CUBN: variants seen among roughly 807,000 people sequenced by gnomAD.
CUBN encodes cubilin, also known as 460 kDa receptor.
CUBN carries 282 observed loss-of-function variants against 405.3 expected under a neutral mutation model. The observed-to-expected ratio is 0.70, with a 90% CI of 0.63 to 0.77. The LOEUF (loss-of-function observed/expected upper bound fraction) is 0.77, where lower values mean the gene tolerates loss of function less well. Among genes scored for constraint, CUBN ranks in the 30% least tolerant of loss-of-function variants. The pLI, the probability that CUBN is intolerant of heterozygous loss-of-function variation, is 0.00. For synonymous variants in CUBN, 1,684 were observed against 1,617.0 expected, an observed-to-expected ratio of 1.04 and a Z score of -0.99; for missense variants, 4,514 against 4,475.2, an observed-to-expected ratio of 1.01 and a Z score of -0.25.
chr10:17,127,760 A>C (rs1284660099), intron 3 of CUBN, 69 bp downstream of exon 3: 2 of 1,162,564 alleles, frequency 1.7e-6, no homozygotes, highest in Middle Eastern at 3.9e-4. Flanking sequence ...TATCCCCTAC[A>C]AAACGGTTAC....
intron 28 of CUBN, among the ~76,000 whole-genome samples, chr10:17,015,268 T>C (rs552682532): frequency 6.6e-6 from 1 of 152,338 alleles, no homozygotes; most frequent in East Asian, 1.9e-4. Flanking sequence ...TTCCAAATTG[T>C]CCTTCCAGTG....
intron 59 of CUBN, among the ~76,000 whole-genome samples, chr10:16,854,900 T>A (rs999228532): frequency 6.6e-6 from 1 of 151,646 alleles, no homozygotes; most frequent in Admixed American, 6.6e-5. Context: ...GGCTGATCCA[T>A]CCTCCCTCCT....
Position 17,065,531 on chromosome 10 carries a change from T to C in CUBN, c.3116A>G (p.Tyr1039Cys), listed in dbSNP as rs150014503. ...ACCTGTTGCTGCACTGATTGCTTCA[T>C]AGTTTATTAAGAAGCCTTCATAAGC... ...DLAYEGFLIN[Y>C]EAISAATACL... Residue 1039 changes from tyrosine (Y) to cysteine (C), a missense_variant, in exon 22 of 67, where the codon TAT (tyrosine) becomes TGT (cysteine). Physicochemically the swap from Tyr to Cys is radical, Grantham distance 194. Coordinates refer to ENST00000377833, the MANE Select transcript of CUBN (RefSeq NM_001081.4). 6.5e-5 allele frequency: 105 copies of C among 1,613,394 alleles called. No individual in the cohort carries two copies. In the African/African-American group the frequency reaches 1.2e-3, roughly 19 times the overall value.
intron 17 of CUBN, among the ~76,000 whole-genome samples, chr10:17,081,259 A>G (rs1025857826): frequency 6.6e-6 from 1 of 152,188 alleles, no homozygotes; most frequent in Non-Finnish European, 1.5e-5. Context: ...CAAGGCACCT[A>G]AAACCACACA....
intron 43 of CUBN, among the ~76,000 whole-genome samples, chr10:16,924,860 G>A (rs893745851): frequency 1.3e-5 from 2 of 151,920 alleles, no homozygotes; most frequent in African/African-American, 4.8e-5. Flanking sequence ...ACAAAATAAG[G>A]CAAATGTAAG....
intron 28 of CUBN, among the ~76,000 whole-genome samples, chr10:16,992,215 G>A (rs905312977): frequency 3.9e-5 from 6 of 152,032 alleles, no homozygotes; most frequent in African/African-American, 1.4e-4. Flanking sequence ...CACAGGGTGG[G>A]GAACATCACA....
chr10:17,087,466 CTTTTTCTTTTTTTTT>C lies in CUBN; in HGVS notation c.1947+683_1947+697del, dbSNP rs1453621528. Among the ~76,000 whole-genome samples the C allele has an allele frequency of 5.0e-5, 4 of 79,772 alleles. 1 individual carries two copies. The highest frequency in any genetic ancestry group is 1.7e-4 in the African/African-American group (3 of 17,768). The allele number at this position is 79,772 out of a possible 152,430, so 52.3% of individuals were successfully genotyped here. ...GTTCAACACAATCACTATTATTTTT[CTTTTTCTTTTTTTTT>C]TTTTTTTTTTTTTAGACAGAGCCTC... On this transcript the variant is annotated intron_variant, in intron 15 of 66. Transcript: ENST00000377833.
intron 31 of CUBN, among the ~76,000 whole-genome samples, chr10:16,960,841 G>A (rs1428777572): frequency 6.6e-6 from 1 of 152,114 alleles, no homozygotes; most frequent in Admixed American, 6.5e-5. Flanking sequence ...GAATGAAGGG[G>A]CCCAACCACA....
rs189999944 is a variant in CUBN at position 16,844,035 on chromosome 10, C to G, written c.9664-2988G>C. ...CTGTAATCCCAGCACTTTGGGAGGC[C>G]GAGGCAGGCGGATCGCCTGAGGTCA... On this transcript the variant is annotated intron_variant, in intron 60 of 66. Coordinates refer to ENST00000377833, the MANE Select transcript of CUBN (RefSeq NM_001081.4). Among the ~76,000 whole-genome samples, 5 of 151,998 alleles carry G rather than the reference C, an allele frequency of 3.3e-5. No homozygotes were observed. In the East Asian group the frequency reaches 9.7e-4, roughly 29 times the overall value.
In CUBN at chr10:16,847,050, A is replaced by G. The variant is rs146800202; in HGVS notation, c.9663+4185T>C. Among the ~76,000 whole-genome samples the G allele has an allele frequency of 4.5e-4, 68 of 152,238 alleles. 1 individual carries two copies. The East Asian group carries it at 9.6e-3, about 22-fold the overall frequency. ...CCTCTAGAAAGCCTTTCCTAGCCAA[A>G]ACAAAGCCAATCAGAGCCTCTTCTG... is the stretch of plus-strand genomic sequence containing the variant. On this transcript the variant is annotated intron_variant, in intron 60 of 66. Coordinates refer to ENST00000377833, the MANE Select transcript of CUBN (RefSeq NM_001081.4).
chr10:16,872,357 T>G (rs1031508937), intron 58 of CUBN, among the ~76,000 whole-genome samples: 3 of 151,272 alleles, frequency 2.0e-5, no homozygotes, highest in Non-Finnish European at 4.4e-5. Flanking sequence ...TACATATATA[T>G]ATAGATAGAT....
At chr10:17,012,343 T>C (rs1185668501) in intron 28 of CUBN, among the ~76,000 whole-genome samples, 1 of 152,204 alleles carries the variant, frequency 6.6e-6, no homozygotes, top group Non-Finnish European at 1.5e-5. Flanking sequence ...TTCCTGTAAA[T>C]GCTGCGTGGC....
chr10:17,110,068 T>C (rs1266981262), intron 9 of CUBN, among the ~76,000 whole-genome samples: 2 of 152,214 alleles, frequency 1.3e-5, no homozygotes, highest in Non-Finnish European at 2.9e-5. Context: ...TCAATTATTA[T>C]AGAAGCCCAA....
intron 28 of CUBN, among the ~76,000 whole-genome samples, chr10:17,012,208 C>A (rs1193604253): frequency 6.6e-6 from 1 of 152,170 alleles, no homozygotes; most frequent in South Asian, 2.1e-4. Context: ...GTTAAAAATA[C>A]AGGGCCCGAA....
intron 59 of CUBN, among the ~76,000 whole-genome samples, chr10:16,857,426 A>T (rs1839894695): frequency 6.6e-6 from 1 of 152,242 alleles, no homozygotes; most frequent in South Asian, 2.1e-4. Context: ...ACTTAGGAGA[A>T]GGAAAATTTT....
intron 48 of CUBN, among the ~76,000 whole-genome samples, chr10:16,912,578 T>G (rs1841764418): frequency 6.6e-6 from 1 of 152,106 alleles, no homozygotes; most frequent in Non-Finnish European, 1.5e-5. Context: ...CCTTATGGAT[T>G]AAAAGGCATT....
rs199789077 is a variant in CUBN at position 16,829,088 on chromosome 10, G to A, written c.10529-48C>T. On this transcript the variant is annotated intron_variant, in intron 65 of 66. Coordinates refer to ENST00000377833, the MANE Select transcript of CUBN (RefSeq NM_001081.4). ...AGTTTGATTCAACAGCATATAAGCC[G>A]TCCAGTCTGGCTTGTTAGGCAATAA... 6.0e-5 allele frequency: 86 copies of A among 1,421,992 alleles called. No individual in the cohort carries two copies. The African/African-American group carries it at 7.0e-4, about 12-fold the overall frequency. The allele number at this position is 1,421,992 out of a possible 1,614,324, so 88.1% of individuals were successfully genotyped here.
intron 39 of CUBN, among the ~76,000 whole-genome samples, chr10:16,936,876 C>G (rs1842522175): frequency 1.3e-5 from 2 of 152,182 alleles, no homozygotes; most frequent in South Asian, 2.1e-4. Context: ...TCCACCACGC[C>G]CAGCTAATTT....
At chr10:17,072,886 G>A (rs1835771772) in intron 17 of CUBN, among the ~76,000 whole-genome samples, 1 of 151,840 alleles carries the variant, frequency 6.6e-6, no homozygotes, top group African/African-American at 2.4e-5. Flanking sequence ...TTATCTGAAG[G>A]AGAAGAAAAA....
Sources: allele counts gnomAD v4.1 joint callset (sites outside exome capture counted in the v4.1 genomes callset), GRCh38; gene constraint gnomAD v4.1.1; transcripts MANE v1.5; gene names NCBI Gene and HGNC (gene_info 2026-07-23, HGNC 2026-07-21).